The following ERMAP variants were observed in gnomAD, a reference collection of about 807,000 sequenced individuals.
ERMAP encodes erythroblast membrane associated protein (Scianna blood group).
ERMAP carries 34 observed loss-of-function variants against 49.5 expected under a neutral mutation model. That is an observed-to-expected ratio of 0.69 (90% CI 0.52 to 0.91). ERMAP has a LOEUF of 0.91. Ranked by LOEUF, ERMAP falls within the 40% of genes least tolerant of loss-of-function variation. ERMAP has a pLI of 0.00. For synonymous variants in ERMAP, 214 were observed against 232.2 expected, an observed-to-expected ratio of 0.92 and a Z score of 0.71; for missense variants, 541 against 582.6, an observed-to-expected ratio of 0.93 and a Z score of 0.74.
intron 4 of ERMAP, chr1:42,834,648 C>T (rs921575919): frequency 3.4e-5 from 8 of 234,268 alleles, no homozygotes; most frequent in Non-Finnish European, 6.0e-5. Context: ...CTCTGCCTCC[C>T]GGGTTCAAGG....
intron 6 of ERMAP, 136 bp from the exon 7 acceptor site, chr1:42,837,022 T>C (rs900525699): frequency 1.8e-5 from 15 of 819,308 alleles, no homozygotes; most frequent in African/African-American, 1.5e-4. Flanking sequence ...CAGGTGAGAG[T>C]TGATTAGAGA....
At position 42,843,918 on chromosome 1, in the gene ERMAP, T is replaced by C. The variant is rs1473598177; in HGVS notation, c.*686T>C. 5.0e-6 allele frequency: 2 copies of C among 396,704 alleles called. No homozygotes were observed. The highest frequency in any genetic ancestry group is 2.1e-5 in the African/African-American group (1 of 48,616). The allele number at this position is 396,704 out of a possible 1,614,324, so 24.6% of individuals were successfully genotyped here. A position where few individuals can be genotyped will look rare whatever the true frequency, so the allele number is the denominator to read the frequency against. On this transcript the variant is annotated 3_prime_UTR_variant, in exon 12 of 12. Transcript: ENST00000372517. ...ACTTTAAATACAGTTGCTATAATCC[T>C]GAAAAGCCCCAGGAGCACATCAGGG...
chr1:42,840,366 T>G, intron 11 of ERMAP, 70 bp downstream of exon 11: 9 of 1,591,424 alleles, frequency 5.7e-6, no homozygotes, highest in Non-Finnish European at 7.8e-6. Flanking sequence ...AACCTTAGAT[T>G]TTGTTCCATT....
At chr1:42,824,788 A>G (rs1654495442) in intron 1 of ERMAP, 1 of 152,200 alleles carries the variant, frequency 6.6e-6, no homozygotes, top group African/African-American at 2.4e-5. Context: ...GACTCCTCTC[A>G]CTGTTGTTTA....
At chr1:42,833,789 T>C (rs960716780) in intron 4 of ERMAP, among the ~76,000 whole-genome samples, 4 of 152,176 alleles carry the variant, frequency 2.6e-5, no homozygotes, top group Non-Finnish European at 5.9e-5. Flanking sequence ...ACTCCTGAGC[T>C]GTAGTGATAC....
chr1:42,824,175 T>C (rs1335930387), intron 1 of ERMAP, among the ~76,000 whole-genome samples: 2 of 146,132 alleles, frequency 1.4e-5, no homozygotes, highest in Non-Finnish European at 3.0e-5. Context: ...AAACCCCGTC[T>C]CTACTAAAAA....
chr1:42,834,578 G>A, intron 4 of ERMAP: 1 of 289,066 alleles, frequency 3.5e-6, no homozygotes, highest in Non-Finnish European at 6.7e-6. Flanking sequence ...TTTTTGAGAT[G>A]GAGTTTCACT....
At chr1:42,832,179 A>ATT (rs75673269) in intron 4 of ERMAP, among the ~76,000 whole-genome samples, 3,412 of 96,666 alleles carry the variant, frequency 0.035, 459 homozygotes, top group South Asian at 0.1. Flanking sequence ...GTGAAAATTA[A>ATT]TTTTTTTTTT....
chr1:42,818,786 C>T (rs1654320707), intron 1 of ERMAP, among the ~76,000 whole-genome samples: 3 of 152,076 alleles, frequency 2.0e-5, no homozygotes, highest in South Asian at 2.1e-4. Context: ...AAAATTTCTA[C>T]AGTAAACGTT....
intron 2 of ERMAP, 132 bp from the exon 3 acceptor site, chr1:42,830,312 C>A: frequency 1.4e-6 from 1 of 707,510 alleles, no homozygotes. Context: ...AGTAGCAGAG[C>A]TGGGATTGGA....
chr1:42,833,906 A>G (rs2124331160), intron 4 of ERMAP, among the ~76,000 whole-genome samples: 1 of 152,312 alleles, frequency 6.6e-6, no homozygotes, highest in Non-Finnish European at 1.5e-5. Flanking sequence ...CCTGGCCAAC[A>G]TGGCAAAACC....
intron 1 of ERMAP, chr1:42,824,616 A>C (rs1028459352): frequency 6.6e-6 from 1 of 152,352 alleles, no homozygotes; most frequent in African/African-American, 2.4e-5. Flanking sequence ...CCCAGGAAGC[A>C]GAAATGGGAA....
intron 8 of ERMAP, chr1:42,839,272 C>T (rs1654989587): frequency 3.0e-6 from 1 of 331,788 alleles, no homozygotes; most frequent in Non-Finnish European, 5.6e-6. Context: ...TATGCTGGAG[C>T]AGTACTTCTC....
At chr1:42,824,693 G>A (rs1055901348) in intron 1 of ERMAP, 12 of 152,198 alleles carry the variant, frequency 7.9e-5, no homozygotes, top group African/African-American at 2.9e-4. Context: ...ATGAACCACC[G>A]TGCTCACTCC....
At position 42,842,725 on chromosome 1, in the gene ERMAP, T is replaced by TG; in HGVS notation, c.923dup (p.Val309SerfsTer3). 1.2e-6 allele frequency: 2 copies of TG among 1,614,134 alleles called. No homozygotes were observed. The highest frequency in any genetic ancestry group is 1.7e-6 in the Non-Finnish European group (2 of 1,180,008). On this transcript the variant is annotated frameshift_variant, in exon 12 of 12. Coordinates refer to ENST00000372517, the MANE Select transcript of ERMAP (RefSeq NM_001017922.2). LOFTEE classifies it high-confidence loss of function. ...TGGGAGACAAGACCAAATGGATTCT[T>TG]GGAGTATGTAGTGAGTCAGTGAGCA...
At position 42,831,013 on chromosome 1, in the gene ERMAP, C is replaced by T; in HGVS notation, c.331C>T (p.Leu111=). The T allele has an allele frequency of 6.2e-7, 1 of 1,614,224 alleles. No individual in the cohort carries two copies. The highest frequency in any genetic ancestry group is 8.5e-7 in the Non-Finnish European group (1 of 1,180,030). ...VRDAQEGSVT[L]QILDVRLEDQ... ...AGATGCCCAAGAGGGAAGTGTCACT[C>T]TGCAGATCCTTGACGTGCGCCTTGA... Residue 111 remains leucine (L), a synonymous_variant, in exon 4 of 12, where the codon CTG becomes TTG. Coordinates refer to ENST00000372517, the MANE Select transcript of ERMAP (RefSeq NM_001017922.2).
chr1:42,840,088 A>G, intron 9 of ERMAP, 35 bp downstream of exon 9: 2 of 1,614,148 alleles, frequency 1.2e-6, no homozygotes, highest in Non-Finnish European at 8.5e-7. Context: ...TTCCGTACCA[A>G]CTTATCTCCT....
intron 1 of ERMAP, 64 bp downstream of exon 1, chr1:42,817,317 G>A: frequency 8.8e-7 from 1 of 1,136,062 alleles, no homozygotes; most frequent in Non-Finnish European, 1.1e-6. Context: ...CTCGTCCTGG[G>A]CGGGGCCGCG....
At chr1:42,835,437 T>C (rs929520075) in intron 5 of ERMAP, among the ~76,000 whole-genome samples, 2 of 152,172 alleles carry the variant, frequency 1.3e-5, no homozygotes, top group African/African-American at 4.8e-5. Flanking sequence ...AAGAAATGAA[T>C]TACAGCCCTT....
Sources: allele counts gnomAD v4.1 joint callset (sites outside exome capture counted in the v4.1 genomes callset), GRCh38; gene constraint gnomAD v4.1.1; transcripts MANE v1.5; gene names NCBI Gene and HGNC (gene_info 2026-07-23, HGNC 2026-07-21).